FRG1: variants seen among roughly 807,000 people sequenced by gnomAD.
FRG1 encodes FSHD region gene 1.
In FRG1, 19 loss-of-function variants were observed where a neutral mutation model predicts 37.0. The observed-to-expected ratio is 0.51, with a 90% CI of 0.36 to 0.75. The LOEUF is 0.75. FRG1 is among the 30% of genes least tolerant of loss of function. The pLI is 0.00. For missense variants in FRG1, 243 were observed against 301.4 expected (o/e 0.81, Z 1.44); for synonymous variants, 73 against 96.5 (o/e 0.76, Z 1.43).
At chr4:189,962,368 G>A (rs1447632060) in intron 8 of FRG1, among the ~76,000 whole-genome samples, 6 of 152,162 alleles carry the variant, frequency 3.9e-5, no homozygotes, top group Admixed American at 3.9e-4. Flanking sequence ...TTGGAAGAGT[G>A]CAGGATGTTT....
At chr4:189,941,246 A>G (rs1736282460) in intron 1 of FRG1, among the ~76,000 whole-genome samples, 175 bp downstream of exon 1, 1 of 152,116 alleles carries the variant, frequency 6.6e-6, no homozygotes, top group African/African-American at 2.4e-5. Context: ...GTCTGTGCAG[A>G]GAGGGGCAGC....
At chr4:189,956,338 C>A (rs559054481) in intron 5 of FRG1, among the ~76,000 whole-genome samples, 2 of 152,220 alleles carry the variant, frequency 1.3e-5, no homozygotes, top group African/African-American at 4.8e-5. Flanking sequence ...ATAAAAGTTA[C>A]ACCGGTAGAA....
In FRG1 at chr4:189,941,015, C is replaced by G. The variant is rs140751102; in HGVS notation, c.6C>G (p.Ala2=). ...CGCAGAAGTTTCCCGGAGCCATGGC[C>G]GAGTACTCCTACGTGAAGTCTACCA... M[A]EYSYVKSTKL... is the part of the protein sequence containing the mutation. The change falls in exon 1 of 9, where the codon GCC becomes GCG. Residue 2 remains alanine, a synonymous_variant. Transcript: ENST00000226798. The G allele has an allele frequency of 9.5e-4, 1,530 of 1,613,880 alleles. 13 individuals are homozygous for G. The highest frequency in any genetic ancestry group is 1.2e-3 in the Non-Finnish European group (1,359 of 1,179,802).
rs1352741409 is a variant in FRG1, at chr4:189,940,939, C to G, written c.-71C>G. ...CGTCCGCTTCTGTTTCTCCGCGCCCCTGTGCTGCCCCGACTCACATACTCG... is the reference window on the plus strand; with the variant it reads ...CGTCCGCTTCTGTTTCTCCGCGCCCGTGTGCTGCCCCGACTCACATACTCG... On this transcript the variant is annotated 5_prime_UTR_variant, in exon 1 of 9. Transcript: ENST00000226798. The G allele has an allele frequency of 8.0e-7, 1 of 1,255,802 alleles. No homozygotes were observed. The highest frequency in any genetic ancestry group is 1.2e-6 in the Non-Finnish European group (1 of 866,374). 77.8% of individuals were successfully genotyped at this position (1,255,802 alleles called of 1,614,324 possible).
At position 189,952,244 on chromosome 4, in the gene FRG1, A is replaced by G. The variant is rs750332560; in HGVS notation, c.216A>G (p.Ala72=). 2 of 1,610,652 alleles carry G rather than the reference A, an allele frequency of 1.2e-6. No individual in the cohort carries two copies. The highest frequency in any genetic ancestry group is 2.2e-5 in the South Asian group (2 of 90,898). Residue 72 remains alanine, a synonymous_variant, in exon 3 of 9, where the codon GCA becomes GCG. Coordinates refer to ENST00000226798, the MANE Select transcript of FRG1 (RefSeq NM_004477.3). ...IEMDKGTYIH[A]LDNGLFTLGA... Reference sequence around the variant, plus strand: ...TGGATAAGGGAACCTATATACATGCACTCGACAATGGTCTTTTTACCCTGG... The same window carrying G: ...TGGATAAGGGAACCTATATACATGCGCTCGACAATGGTCTTTTTACCCTGG...
intron 4 of FRG1, among the ~76,000 whole-genome samples, chr4:189,954,374 A>G (rs1412259629): frequency 6.8e-6 from 1 of 147,868 alleles, no homozygotes; most frequent in African/African-American, 2.5e-5. Context: ...TGTACAGAAT[A>G]GATGTACATA....
rs549832926 is a variant in FRG1 at position 189,941,441 on chromosome 4, C to G, written c.62+370C>G. 4.6e-5 allele frequency among the ~76,000 whole-genome samples: 7 copies of G among 152,270 alleles called. No individual in the cohort carries two copies. The East Asian group carries it at 1.4e-3, about 29-fold the overall frequency. On this transcript the variant is annotated intron_variant, in intron 1 of 8. Transcript: ENST00000226798. ...TATTATTTTCTCCATTGTCTCTTTT[C>G]TTTCTAGAAAACTTATTAATTTTTT...
chr4:189,946,787 A>G (rs1441091643), intron 2 of FRG1, among the ~76,000 whole-genome samples: 1 of 152,096 alleles, frequency 6.6e-6, no homozygotes, highest in Non-Finnish European at 1.5e-5. Flanking sequence ...ATACTTTCTT[A>G]GTGAATTTCC....
At position 189,962,080 on chromosome 4, in the gene FRG1, C is replaced by T. The variant is rs1737263323; in HGVS notation, c.740+148C>T. On this transcript the variant is annotated intron_variant, in intron 8 of 8. Transcript: ENST00000226798. The stretch of plus-strand genomic sequence containing the variant: ...GTGTGGCAATATTACCTAAAGAGGA[C>T]ATCGTAAGTTTGGGAAAAGACTGTC... 2.2e-5 allele frequency: 13 copies of T among 592,826 alleles called. No homozygotes were observed. In the South Asian group the frequency reaches 3.0e-4, roughly 14 times the overall value. The allele number at this position is 592,826 out of a possible 1,614,324, so 36.7% of individuals were successfully genotyped here.
At chr4:189,948,043 C>T (rs563986822) in intron 2 of FRG1, among the ~76,000 whole-genome samples, 3 of 152,280 alleles carry the variant, frequency 2.0e-5, no homozygotes, top group African/African-American at 7.2e-5. Context: ...TCTCGTTGGT[C>T]ATGGTGGGAG....
chr4:189,961,990 G>A, intron 8 of FRG1, 58 bp downstream of exon 8: 1 of 866,938 alleles, frequency 1.2e-6, no homozygotes, highest in Admixed American at 2.6e-5. Context: ...ATGGCATGTA[G>A]AAAACCTACA....
intron 6 of FRG1, among the ~76,000 whole-genome samples, chr4:189,958,008 G>A (rs114055178): frequency 2.7e-5 from 4 of 150,398 alleles, no homozygotes; most frequent in South Asian, 2.1e-4. Flanking sequence ...ACTGTTTTAC[G>A]CTAAAGGTAG....
At chr4:189,946,838 G>GT (rs796778267) in intron 2 of FRG1, among the ~76,000 whole-genome samples, 43 of 151,560 alleles carry the variant, frequency 2.8e-4, no homozygotes, top group African/African-American at 8.0e-4. Flanking sequence ...TTGGTTCAGG[G>GT]TTTTTTGTTT....
At position 189,952,218 on chromosome 4, in the gene FRG1, A is replaced by G; in HGVS notation, c.190A>G (p.Met64Val). 1 of 1,607,152 alleles carries G rather than the reference A, an allele frequency of 6.2e-7. No homozygotes were observed. ...GEISGTIAIEMDKGTYIHALD... is the reference protein window; with the variant it reads ...GEISGTIAIEVDKGTYIHALD... ...AATTTCAGGAACCATAGCCATTGAA[A>G]TGGATAAGGGAACCTATATACATGC... Residue 64 changes from methionine (M) to valine (V), a missense_variant, in exon 3 of 9, where the codon ATG becomes GTG. Met to Val is a conservative substitution (Grantham distance 21). Transcript: ENST00000226798.
At position 189,963,091 on chromosome 4, in the gene FRG1, A is replaced by G. The variant is rs1233567686; in HGVS notation, c.741-2A>G. On this transcript the variant is annotated splice_acceptor_variant, in intron 8 of 8. Coordinates refer to ENST00000226798, the MANE Select transcript of FRG1 (RefSeq NM_004477.3). LOFTEE classifies it high-confidence loss of function. ...TAATTTTATTTTTCTTTGTTTAAAC[A>G]GGAGAGCCAAATTGAAAGCCGACAG... 2 of 1,607,304 alleles carry G rather than the reference A, an allele frequency of 1.2e-6. No individual in the cohort carries two copies. Among genetic ancestry groups the G allele is most frequent in the African/African-American group, 2.7e-5 (2 of 74,768 alleles).
At chr4:189,956,678 A>G (rs1297703988) in intron 5 of FRG1, among the ~76,000 whole-genome samples, 3 of 152,250 alleles carry the variant, frequency 2.0e-5, no homozygotes, top group East Asian at 1.9e-4. Context: ...TAAGGTTAAC[A>G]TATTTTGTAA....
intron 1 of FRG1, among the ~76,000 whole-genome samples, chr4:189,942,604 A>G (rs200903379): frequency 6.6e-6 from 1 of 152,158 alleles, no homozygotes; most frequent in Non-Finnish European, 1.5e-5. Context: ...CCATTCATCA[A>G]CTGATGAACA....
chr4:189,940,936 C>A lies in FRG1; in HGVS notation c.-74C>A. ...TCGCGTCCGCTTCTGTTTCTCCGCGCCCCTGTGCTGCCCCGACTCACATAC... is the reference window on the plus strand; with the variant it reads ...TCGCGTCCGCTTCTGTTTCTCCGCGACCCTGTGCTGCCCCGACTCACATAC... On this transcript the variant is annotated 5_prime_UTR_variant, in exon 1 of 9. Transcript: ENST00000226798. 8.3e-7 allele frequency: 1 copy of A among 1,202,288 alleles called. No individual in the cohort carries two copies. Among genetic ancestry groups the A allele is most frequent in the South Asian group, 1.3e-5 (1 of 79,706 alleles). The allele number at this position is 1,202,288 out of a possible 1,614,324, so 74.5% of individuals were successfully genotyped here. A position where few individuals can be genotyped will look rare whatever the true frequency, so the allele number is the denominator to read the frequency against.
Position 189,940,943 on chromosome 4 carries a change from G to A in FRG1, c.-67G>A. On this transcript the variant is annotated 5_prime_UTR_variant, in exon 1 of 9. Transcript: ENST00000226798. ...CGCTTCTGTTTCTCCGCGCCCCTGT[G>A]CTGCCCCGACTCACATACTCGTCCA... 2 of 1,309,524 alleles carry A rather than the reference G, an allele frequency of 1.5e-6. No homozygotes were observed. The highest frequency in any genetic ancestry group is 2.2e-6 in the Non-Finnish European group (2 of 911,786). The allele number at this position is 1,309,524 out of a possible 1,614,324, so 81.1% of individuals were successfully genotyped here.
Sources: gnomAD v4.1 joint callset for allele counts (sites outside exome capture counted in the v4.1 genomes callset) on GRCh38, gnomAD v4.1.1 for gene constraint, MANE v1.5 for transcripts, NCBI Gene and HGNC (gene_info 2026-07-23, HGNC 2026-07-21) for gene names.